The following PRKDC variants were observed in gnomAD, a reference collection of about 807,000 sequenced individuals.
PRKDC encodes protein kinase, DNA-activated, catalytic subunit.
Under a neutral mutation model 486.9 loss-of-function variants are expected in PRKDC, and 82 were observed. The observed-to-expected ratio is 0.17, with a 90% CI of 0.14 to 0.20. The LOEUF is 0.20. PRKDC is among the 10% of genes least tolerant of loss of function. The pLI is 1.00. For synonymous variants in PRKDC, 1,895 were observed against 1,837.0 expected (o/e 1.03, Z -0.81); for missense variants, 4,504 against 5,038.2 (o/e 0.89, Z 3.21).
At chr8:47,887,860 G>A (rs528586021) in intron 34 of PRKDC, among the ~76,000 whole-genome samples, 155 bp from the exon 35 acceptor site, 1 of 152,210 alleles carries the variant, frequency 6.6e-6, no homozygotes, top group African/African-American at 2.4e-5. Context: ...TGCTTTTGTT[G>A]TTCTTGCTAT....
intron 25 of PRKDC, among the ~76,000 whole-genome samples, chr8:47,909,329 T>C (rs894756006): frequency 6.6e-6 from 1 of 152,224 alleles, no homozygotes; most frequent in Non-Finnish European, 1.5e-5. Flanking sequence ...TCTCTGAACA[T>C]AAATTGTGAA....
At chr8:47,910,050 T>G (rs751794364) in intron 25 of PRKDC, among the ~76,000 whole-genome samples, 1 of 152,188 alleles carries the variant, frequency 6.6e-6, no homozygotes, top group Non-Finnish European at 1.5e-5. Flanking sequence ...AATAAAAATC[T>G]GCTGGTTTTG....
intron 76 of PRKDC, 58 bp from the exon 77 acceptor site, chr8:47,785,375 G>T: frequency 7.7e-7 from 1 of 1,303,214 alleles, no homozygotes; most frequent in Non-Finnish European, 1.1e-6. Flanking sequence ...TTTGGAAAAG[G>T]CTCTAAGCTT....
At chr8:47,944,484 T>TAAAAAAAAA in intron 7 of PRKDC, among the ~76,000 whole-genome samples, 1 of 99,028 alleles carries the variant, frequency 1.0e-5, no homozygotes, top group Admixed American at 9.6e-5. Context: ...AGAAAAAAAT[T>TAAAAAAAAA]AAAAAAAAAA....
intron 58 of PRKDC, 48 bp from the exon 59 acceptor site, chr8:47,834,444 T>G: frequency 1.6e-5 from 25 of 1,590,144 alleles, no homozygotes; most frequent in Non-Finnish European, 2.1e-5. Context: ...CACCCAGCTC[T>G]GTGCACGGGG....
chr8:47,906,345 TA>T (rs1002524097), intron 25 of PRKDC, among the ~76,000 whole-genome samples: 4 of 148,934 alleles, frequency 2.7e-5, no homozygotes, highest in African/African-American at 4.9e-5. Flanking sequence ...ACACCGTGTC[TA>T]AAAAAAAAAT....
In PRKDC at chr8:47,953,128, G is replaced by C. The variant is rs111809927; in HGVS notation, c.721+492C>G. Among the ~76,000 whole-genome samples, 31 of 151,864 alleles carry C rather than the reference G, an allele frequency of 2.0e-4. 1 individual carries two copies. The highest frequency in any genetic ancestry group is 7.2e-4 in the African/African-American group (30 of 41,438). ...TGCACTCCACCCTGGGCTACGGAGCGAGACTCTGTTTAAAAAAAAAAAGAA... is the reference window on the plus strand; with the variant it reads ...TGCACTCCACCCTGGGCTACGGAGCCAGACTCTGTTTAAAAAAAAAAAGAA... On this transcript the variant is annotated intron_variant, in intron 7 of 85. Coordinates refer to ENST00000314191, the MANE Select transcript of PRKDC (RefSeq NM_006904.7).
intron 40 of PRKDC, among the ~76,000 whole-genome samples, chr8:47,869,389 C>T (rs981345275): frequency 4.0e-5 from 6 of 151,740 alleles, no homozygotes; most frequent in Non-Finnish European, 5.9e-5. Context: ...CAGGTCCTGG[C>T]TCCCAGACGA....
intron 52 of PRKDC, among the ~76,000 whole-genome samples, chr8:47,851,523 G>C (rs763322177): frequency 3.9e-5 from 6 of 152,162 alleles, no homozygotes; most frequent in Non-Finnish European, 7.3e-5. Context: ...TGGGCCCACT[G>C]GTGCCTGCTC....
intron 63 of PRKDC, among the ~76,000 whole-genome samples, chr8:47,825,535 C>CAAAAAAAAAA (rs2087719736): frequency 8.7e-6 from 1 of 115,574 alleles, no homozygotes; most frequent in African/African-American, 3.6e-5. Flanking sequence ...AAAAAAAAAG[C>CAAAAAAAAAA]TAAACTATGT....
chr8:47,941,272 C>CCT (rs1223973054), intron 10 of PRKDC, among the ~76,000 whole-genome samples: 2 of 152,164 alleles, frequency 1.3e-5, no homozygotes, highest in Non-Finnish European at 2.9e-5. Context: ...CCTCTTTCTT[C>CCT]CTCTCTCCTC....
intron 39 of PRKDC, among the ~76,000 whole-genome samples, chr8:47,879,002 T>C (rs972305249): frequency 6.6e-6 from 1 of 152,230 alleles, no homozygotes. Flanking sequence ...CCTATCATAT[T>C]AGGGATAATC....
At chr8:47,937,858 G>T (rs770224219) in intron 11 of PRKDC, among the ~76,000 whole-genome samples, 1 of 152,220 alleles carries the variant, frequency 6.6e-6, no homozygotes, top group Non-Finnish European at 1.5e-5. Context: ...GCTTACAGCT[G>T]TAAGTCCAGT....
At chr8:47,887,942 G>C (rs2089372386) in intron 34 of PRKDC, among the ~76,000 whole-genome samples, 1 of 152,162 alleles carries the variant, frequency 6.6e-6, no homozygotes, top group Admixed American at 6.6e-5. Flanking sequence ...TGCATTCTCA[G>C]GCTTCCAAGC....
intron 17 of PRKDC, 110 bp from the exon 18 acceptor site, chr8:47,930,122 G>A (rs368213389): frequency 1.1e-6 from 1 of 917,136 alleles, no homozygotes; most frequent in Non-Finnish European, 1.6e-6. Context: ...GTAACATTTT[G>A]AGGTATCCTA....
chr8:47,926,935 G>C (rs900395386), intron 21 of PRKDC: 14 of 366,932 alleles, frequency 3.8e-5, no homozygotes, highest in Non-Finnish European at 6.3e-5. Flanking sequence ...AGGTATTGAA[G>C]ACAGTACTTG....
intron 56 of PRKDC, among the ~76,000 whole-genome samples, chr8:47,838,661 G>GT (rs1563760990): frequency 6.6e-6 from 1 of 152,176 alleles, no homozygotes; most frequent in African/African-American, 2.4e-5. Context: ...TATATAATCA[G>GT]TATTTGGTAA....
chr8:47,902,306 C>T (rs1056592486), intron 27 of PRKDC, among the ~76,000 whole-genome samples: 1 of 152,198 alleles, frequency 6.6e-6, no homozygotes, highest in Admixed American at 6.5e-5. Flanking sequence ...CTCCTCTGTG[C>T]ACCCAAAGCC....
At chr8:47,799,008 AC>A (rs2087040254) in intron 72 of PRKDC, among the ~76,000 whole-genome samples, 1 of 152,098 alleles carries the variant, frequency 6.6e-6, no homozygotes, top group Non-Finnish European at 1.5e-5. Flanking sequence ...TTGGGGTTTC[AC>A]CACGTTGGCC....
Sources: gnomAD v4.1 joint callset for allele counts (sites outside exome capture counted in the v4.1 genomes callset) on GRCh38, gnomAD v4.1.1 for gene constraint, MANE v1.5 for transcripts, NCBI Gene and HGNC (gene_info 2026-07-23, HGNC 2026-07-21) for gene names.